JARID2: variants seen among roughly 807,000 people sequenced by gnomAD.
JARID2 encodes protein Jumonji.
JARID2 carries 21 observed loss-of-function variants against 125.6 expected under a neutral mutation model. That is an observed-to-expected ratio of 0.17 (90% CI 0.12 to 0.24). The LOEUF is 0.24. Ranked by LOEUF, JARID2 falls within the 10% of genes least tolerant of loss-of-function variation. The pLI is 1.00. For synonymous variants in JARID2, 736 were observed against 661.6 expected, an observed-to-expected ratio of 1.11 and a Z score of -1.73; for missense variants, 1,303 against 1,639.6, an observed-to-expected ratio of 0.79 and a Z score of 3.55.
chr6:15,374,037 TTAAAA>T (rs1410957736), intron 1 of JARID2, 75 bp from the exon 2 acceptor site: 10 of 1,543,254 alleles, frequency 6.5e-6, no homozygotes, highest in Non-Finnish European at 8.8e-6. Context: ...GGAAATTCCT[TTAAAA>T]TAAAGTTTAT....
At chr6:15,310,931 A>C (rs531508480) in intron 1 of JARID2, among the ~76,000 whole-genome samples, 1 of 152,198 alleles carries the variant, frequency 6.6e-6, no homozygotes, top group East Asian at 1.9e-4. Flanking sequence ...GTTCACCCTG[A>C]GTTGTCTTCT....
At chr6:15,457,649 A>C (rs1768249061) in intron 4 of JARID2, among the ~76,000 whole-genome samples, 1 of 142,064 alleles carries the variant, frequency 7.0e-6, no homozygotes, top group Non-Finnish European at 1.5e-5. Context: ...TATTACCTTT[A>C]ATATTCTCGG....
At chr6:15,346,062 G>C (rs1323715122) in intron 1 of JARID2, among the ~76,000 whole-genome samples, 3 of 152,200 alleles carry the variant, frequency 2.0e-5, no homozygotes, top group Non-Finnish European at 2.9e-5. Context: ...TTTCCTGTCT[G>C]ATAAAAGTCT....
At chr6:15,498,734 C>T (rs556547290) in intron 7 of JARID2, among the ~76,000 whole-genome samples, 8 of 152,354 alleles carry the variant, frequency 5.3e-5, no homozygotes, top group African/African-American at 1.4e-4. Context: ...CCTTAACTTG[C>T]AAGAGTTCTT....
chr6:15,269,231 A>T (rs1406980071), intron 1 of JARID2, among the ~76,000 whole-genome samples: 2 of 151,842 alleles, frequency 1.3e-5, no homozygotes, highest in Non-Finnish European at 2.9e-5. Flanking sequence ...CCTGTGCTCC[A>T]CCCTTAGTCC....
intron 1 of JARID2, among the ~76,000 whole-genome samples, chr6:15,291,922 T>C (rs1450178401): frequency 6.6e-6 from 1 of 152,242 alleles, no homozygotes; most frequent in East Asian, 1.9e-4. Context: ...TTATTACATA[T>C]GTTCCATAAT....
chr6:15,259,019 A>G (rs999375423), intron 1 of JARID2, among the ~76,000 whole-genome samples: 13 of 152,176 alleles, frequency 8.5e-5, no homozygotes, highest in African/African-American at 3.1e-4. Context: ...TTCCTAACTT[A>G]TGGAAAAATG....
chr6:15,496,289 A>G lies in JARID2; in HGVS notation c.1064A>G (p.Glu355Gly), dbSNP rs1399915017. ...GTCACATACACCAAAGCCAAGAGAG[A>G]ACTGGTCAAGGACACCAAACCCAAT... ...GAVTYTKAKR[E>G]LVKDTKPNHH... Residue 355 changes from glutamate (E) to glycine (G), a missense_variant, in exon 7 of 18, where the codon GAA (glutamate) becomes GGA (glycine). Physicochemically the swap from Glu to Gly is moderately conservative, Grantham distance 98. Around this residue, in one of 11 missense-constraint regions of JARID2, gnomAD observed 651 missense variants for 581.6 expected, o/e 1.12. Transcript: ENST00000341776. 1.2e-6 allele frequency: 2 copies of G among 1,614,184 alleles called. No homozygotes were observed. Among genetic ancestry groups the G allele is most frequent in the Admixed American group, 1.7e-5 (1 of 60,036 alleles).
intron 5 of JARID2, among the ~76,000 whole-genome samples, chr6:15,469,549 C>T (rs1768968245): frequency 6.6e-6 from 1 of 150,918 alleles, no homozygotes; most frequent in Admixed American, 6.6e-5. Flanking sequence ...TATCCTGCCT[C>T]ATCCTCCTGA....
chr6:15,320,189 GA>G (rs1417636339), intron 1 of JARID2, among the ~76,000 whole-genome samples: 1 of 152,204 alleles, frequency 6.6e-6, no homozygotes, highest in African/African-American at 2.4e-5. Flanking sequence ...TGTGGTTGTG[GA>G]TGCTTGTGAA....
In JARID2 at chr6:15,513,290, C is replaced by A; in HGVS notation, c.3318C>A (p.Ser1106=). 1 of 1,596,716 alleles carries A rather than the reference C, an allele frequency of 6.3e-7. No homozygotes were observed. Among genetic ancestry groups the A allele is most frequent in the Non-Finnish European group, 8.5e-7 (1 of 1,172,996 alleles). Residue 1106 remains serine (S), a synonymous_variant, in exon 16 of 18, where the codon TCC becomes TCA. Transcript: ENST00000341776. ...AGCTGTTCGAGGCTGGCCTCCACTC[C>A]TCCGCACGCTATGGCAGCCACGATG... ...RRQLFEAGLH[S]SARYGSHDGS...
At chr6:15,438,298 G>A (rs1373696784) in intron 3 of JARID2, among the ~76,000 whole-genome samples, 3 of 152,148 alleles carry the variant, frequency 2.0e-5, no homozygotes, top group South Asian at 4.2e-4. Flanking sequence ...TGGCGGAATC[G>A]GAAAGTTGCA....
chr6:15,415,327 G>A (rs935413409), intron 3 of JARID2, among the ~76,000 whole-genome samples: 4 of 152,302 alleles, frequency 2.6e-5, no homozygotes, highest in African/African-American at 4.8e-5. Context: ...ATGAGCTGCC[G>A]GCTACACCTC....
chr6:15,342,011 G>C (rs548743873), intron 1 of JARID2, among the ~76,000 whole-genome samples: 2 of 151,866 alleles, frequency 1.3e-5, no homozygotes, highest in African/African-American at 2.4e-5. Flanking sequence ...AATAAAAAGG[G>C]GGGGGACAGC....
In JARID2 at chr6:15,513,240, G is replaced by C. The variant is rs1294061056; in HGVS notation, c.3268G>C (p.Asp1090His). The C allele has an allele frequency of 1.3e-6, 2 of 1,564,204 alleles. No individual in the cohort carries two copies. The highest frequency in any genetic ancestry group is 1.3e-5 in the African/African-American group (1 of 74,238). Reference sequence around the variant, plus strand: ...CGGGCCGTCTCCCGTGTCTGGCAGGGATACAGAGCTGCGGCAGCGCAGGCA... The same window carrying C: ...CGGGCCGTCTCCCGTGTCTGGCAGGCATACAGAGCTGCGGCAGCGCAGGCA... The part of the protein sequence containing the change: ...TISALLDELR[D>H]TELRQRRQLF... The change falls in exon 16 of 18, where the codon GAT (aspartate) becomes CAT (histidine). Residue 1090 changes from aspartate (D) to histidine (H), a missense_variant and splice_region_variant. Physicochemically the swap from Asp to His is moderately conservative, Grantham distance 81. Coordinates refer to ENST00000341776, the MANE Select transcript of JARID2 (RefSeq NM_004973.4).
intron 3 of JARID2, among the ~76,000 whole-genome samples, chr6:15,425,037 C>G (rs900925196): frequency 6.6e-5 from 10 of 152,258 alleles, no homozygotes; most frequent in Admixed American, 2.6e-4. Context: ...GATGAGAACA[C>G]TGAGGCACAG....
At chr6:15,400,130 A>G (rs1488163571) in intron 2 of JARID2, among the ~76,000 whole-genome samples, 1 of 152,162 alleles carries the variant, frequency 6.6e-6, no homozygotes, top group Non-Finnish European at 1.5e-5. Flanking sequence ...CAATGAGAGA[A>G]AACAGCTTCT....
At chr6:15,432,706 TTTGA>T (rs1464150214) in intron 3 of JARID2, among the ~76,000 whole-genome samples, 2 of 152,180 alleles carry the variant, frequency 1.3e-5, no homozygotes, top group African/African-American at 2.4e-5. Context: ...AGTTTTTCCG[TTTGA>T]TTTAGTTCTA....
chr6:15,277,052 G>A (rs1311990242), intron 1 of JARID2, among the ~76,000 whole-genome samples: 1 of 152,196 alleles, frequency 6.6e-6, no homozygotes, highest in Non-Finnish European at 1.5e-5. Flanking sequence ...CTTAGTAAAA[G>A]TGCTTTGTTG....
Sources: allele counts gnomAD v4.1 joint callset (sites outside exome capture counted in the v4.1 genomes callset), GRCh38; gene constraint gnomAD v4.1.1; regional missense constraint gnomAD v4.1.1; transcripts MANE v1.5; gene names NCBI Gene and HGNC (gene_info 2026-07-23, HGNC 2026-07-21).